MAST4: variants seen among roughly 807,000 people sequenced by gnomAD.
MAST4 encodes the protein microtubule associated serine/threonine kinase family member 4, also known as microtubule-associated serine/threonine-protein kinase 4.
Under a neutral mutation model 162.7 loss-of-function variants are expected in MAST4, and 89 were observed. The ratio of observed to expected loss-of-function variants is 0.55; its 90% CI spans 0.46 to 0.65. MAST4 has a LOEUF of 0.65. MAST4 is among the 30% of genes least tolerant of loss of function. The pLI is 0.00. For missense variants in MAST4, 3,153 were observed against 3,374.0 expected (o/e 0.93, Z 1.62); for synonymous variants, 1,479 against 1,361.1 (o/e 1.09, Z -1.91).
At chr5:67,082,160 T>G (rs1384433285) in intron 5 of MAST4, among the ~76,000 whole-genome samples, 1 of 150,810 alleles carries the variant, frequency 6.6e-6, no homozygotes, top group Non-Finnish European at 1.5e-5. Flanking sequence ...TTTTTTTTTT[T>G]TTTTTTTGAG....
At chr5:66,794,721 T>C (rs1451792088) in intron 3 of MAST4, among the ~76,000 whole-genome samples, 1 of 152,242 alleles carries the variant, frequency 6.6e-6, no homozygotes, top group Non-Finnish European at 1.5e-5. Flanking sequence ...TGCTTTCAAA[T>C]GCTATATTTT....
At chr5:66,877,143 C>T (rs1477600269) in intron 3 of MAST4, among the ~76,000 whole-genome samples, 1 of 152,128 alleles carries the variant, frequency 6.6e-6, no homozygotes, top group African/African-American at 2.4e-5. Context: ...GAGGAGGAGT[C>T]AGCCTACTCT....
At chr5:66,645,041 G>A (rs1745737315) in intron 1 of MAST4, among the ~76,000 whole-genome samples, 1 of 152,080 alleles carries the variant, frequency 6.6e-6, no homozygotes, top group Non-Finnish European at 1.5e-5. Context: ...TGGTCTGTGT[G>A]CCCAGAGTCA....
intron 4 of MAST4, among the ~76,000 whole-genome samples, chr5:66,924,306 T>A (rs1764731772): frequency 6.6e-6 from 1 of 152,208 alleles, no homozygotes; most frequent in African/African-American, 2.4e-5. Context: ...TAAACTGATA[T>A]GTGTATCCCT....
chr5:66,685,406 A>T (rs942753963), intron 1 of MAST4, among the ~76,000 whole-genome samples: 12 of 152,352 alleles, frequency 7.9e-5, no homozygotes, highest in African/African-American at 2.9e-4. Context: ...AAAGGATCAG[A>T]ATATAAAAGA....
intron 4 of MAST4, among the ~76,000 whole-genome samples, chr5:66,921,792 A>G (rs71626480): frequency 0.013 from 2,048 of 152,330 alleles, 32 homozygotes; most frequent in South Asian, 0.053. Flanking sequence ...AATGTTTTGC[A>G]TGCATTAATT....
intron 4 of MAST4, among the ~76,000 whole-genome samples, chr5:66,916,244 A>G (rs898159929): frequency 2.6e-5 from 4 of 152,220 alleles, no homozygotes; most frequent in African/African-American, 9.7e-5. Context: ...GGTGGAGACC[A>G]ATGGCTTAGA....
At chr5:66,752,101 T>C (rs1483592111) in intron 1 of MAST4, among the ~76,000 whole-genome samples, 1 of 152,124 alleles carries the variant, frequency 6.6e-6, no homozygotes, top group Non-Finnish European at 1.5e-5. Flanking sequence ...TGCTGAGAAA[T>C]TTTGTCACCA....
At chr5:66,698,460 ATC>A (rs1672685609) in intron 1 of MAST4, among the ~76,000 whole-genome samples, 1 of 142,356 alleles carries the variant, frequency 7.0e-6, no homozygotes, top group African/African-American at 2.7e-5. Flanking sequence ...CTGCTTCTCT[ATC>A]TCTTTTACAG....
chr5:66,680,152 A>G (rs1748234075), intron 1 of MAST4, among the ~76,000 whole-genome samples: 1 of 152,124 alleles, frequency 6.6e-6, no homozygotes, highest in Admixed American at 6.5e-5. Context: ...GAGCTGAGGA[A>G]AGGCTGAGAA....
At chr5:66,776,631 T>C (rs1479399653) in intron 2 of MAST4, among the ~76,000 whole-genome samples, 1 of 152,112 alleles carries the variant, frequency 6.6e-6, no homozygotes, top group East Asian at 1.9e-4. Context: ...TGTGACTAAA[T>C]AATAATGAAA....
chr5:66,699,890 C>G (rs1003632648), intron 1 of MAST4, among the ~76,000 whole-genome samples: 2 of 151,932 alleles, frequency 1.3e-5, no homozygotes, highest in African/African-American at 4.8e-5. Flanking sequence ...AACAAACGTG[C>G]ATATTCTGCA....
At chr5:66,758,978 T>C (rs1405308274) in intron 1 of MAST4, among the ~76,000 whole-genome samples, 1 of 152,220 alleles carries the variant, frequency 6.6e-6, no homozygotes, top group East Asian at 1.9e-4. Context: ...CTCTATTAAG[T>C]ATGAGAGGCT....
intron 23 of MAST4, among the ~76,000 whole-genome samples, chr5:67,149,129 T>C (rs1771463505): frequency 6.6e-6 from 1 of 152,024 alleles, no homozygotes; most frequent in South Asian, 2.1e-4. Context: ...TTACATGGAG[T>C]CATGGATTGA....
chr5:66,788,607 C>CCAAGAAAAAAAAAAAAAA, intron 2 of MAST4, 63 bp from the exon 3 acceptor site: 5 of 1,373,720 alleles, frequency 3.6e-6, no homozygotes, highest in Non-Finnish European at 5.1e-6. Flanking sequence ...CCCCCACCCC[C>CCAAGAAAAAAAAAAAAAA]ATTGCAATAA....
intron 4 of MAST4, among the ~76,000 whole-genome samples, chr5:66,907,560 A>G (rs979510213): frequency 6.6e-6 from 1 of 150,518 alleles, no homozygotes; most frequent in African/African-American, 2.4e-5. Context: ...GTGAGCTTCT[A>G]TATAATGAAA....
At chr5:67,066,261 TAAAAG>T (rs1278867706) in intron 5 of MAST4, among the ~76,000 whole-genome samples, 10 of 151,912 alleles carry the variant, frequency 6.6e-5, no homozygotes, top group Non-Finnish European at 1.0e-4. Flanking sequence ...TTGTCCCCCT[TAAAAG>T]AAACATATAG....
intron 4 of MAST4, among the ~76,000 whole-genome samples, chr5:66,907,616 G>GTGTGTGTC (rs1554066843): frequency 6.6e-5 from 10 of 151,062 alleles, no homozygotes; most frequent in African/African-American, 2.4e-4. Context: ...GTGTGTGTGT[G>GTGTGTGTC]TGTGTGTGTG....
intron 1 of MAST4, among the ~76,000 whole-genome samples, chr5:66,732,909 T>G (rs893697264): frequency 1.3e-4 from 20 of 152,352 alleles, no homozygotes; most frequent in African/African-American, 4.6e-4. Context: ...TCTGCTTGTT[T>G]TGGAAGATAT....
Sources: allele counts gnomAD v4.1 joint callset (sites outside exome capture counted in the v4.1 genomes callset), GRCh38; gene constraint gnomAD v4.1.1; transcripts MANE v1.5; gene names NCBI Gene and HGNC (gene_info 2026-07-23, HGNC 2026-07-21).